Variants in MYO16 observed in about 807,000 individuals in gnomAD.
The protein encoded by MYO16 is myosin XVI, also known as unconventional myosin-XVI.
Under a neutral mutation model 205.3 loss-of-function variants are expected in MYO16, and 94 were observed. The ratio of observed to expected loss-of-function variants is 0.46; its 90% confidence interval spans 0.39 to 0.54. The LOEUF (loss-of-function observed/expected upper bound fraction) is 0.54, where lower values mean the gene tolerates loss of function less well. Among genes scored for constraint, MYO16 ranks in the 20% least tolerant of loss-of-function variants. The pLI is 0.00. For missense variants in MYO16, 2,315 were observed against 2,387.5 expected (o/e 0.97, Z 0.63); for synonymous variants, 988 against 954.0 (o/e 1.04, Z -0.66).
rs185304220 is a variant in MYO16, at chr13:109,023,038, A to C, written c.2796+3127A>C. 2.9e-3 allele frequency among the ~76,000 whole-genome samples: 393 copies of C among 134,556 alleles called. 3 individuals carry two copies. Among genetic ancestry groups the C allele is most frequent in the African/African-American group, 0.01 (381 of 37,062 alleles). 88.3% of individuals were successfully genotyped at this position (134,556 alleles called of 152,430 possible). On this transcript the variant is annotated intron_variant, in intron 23 of 34. Coordinates refer to ENST00000457511, the MANE Select transcript of MYO16 (RefSeq NM_001198950.3). ...AAATGTATGTATATATTTATATATTAATACACACATGTAAGTATATGTTTA... is the reference window on the plus strand; with the variant it reads ...AAATGTATGTATATATTTATATATTCATACACACATGTAAGTATATGTTTA...
intron 16 of MYO16, among the ~76,000 whole-genome samples, chr13:108,926,038 A>C (rs1232719861): frequency 6.6e-6 from 1 of 152,190 alleles, no homozygotes; most frequent in Non-Finnish European, 1.5e-5. Flanking sequence ...TTCTGACCGC[A>C]CAAAGACTCA....
At chr13:108,589,850 C>T in the MYO16 span, among the ~76,000 whole-genome samples, 1 of 152,072 alleles carries the variant, frequency 6.6e-6, no homozygotes, top group Non-Finnish European at 1.5e-5. Context: ...CTAGTTCCTT[C>T]GGAGCAAAAT....
intron 27 of MYO16, among the ~76,000 whole-genome samples, chr13:109,087,968 C>A (rs1044219529): frequency 6.6e-6 from 1 of 152,194 alleles, no homozygotes; most frequent in Non-Finnish European, 1.5e-5. Context: ...CTGATAAATA[C>A]AAGCCATGGC....
intron 24 of MYO16, 124 bp downstream of exon 24, chr13:109,047,115 A>T: frequency 1.4e-6 from 1 of 704,162 alleles, no homozygotes; most frequent in South Asian, 1.8e-5. Context: ...TGCCTTTTGC[A>T]TTCTAATGCC....
intron 20 of MYO16, among the ~76,000 whole-genome samples, chr13:108,973,899 T>G (rs548417501): frequency 2.6e-5 from 4 of 152,136 alleles, no homozygotes; most frequent in Admixed American, 2.6e-4. Context: ...ATATTCCATA[T>G]AGAGAAAACA....
intron 1 of MYO16, among the ~76,000 whole-genome samples, chr13:108,655,297 C>A (rs989871942): frequency 6.6e-6 from 1 of 152,186 alleles, no homozygotes; most frequent in Non-Finnish European, 1.5e-5. Context: ...TAAAAGGGGC[C>A]AAGGTCCAGC....
At position 109,008,966 on chromosome 13, in the gene MYO16, G is replaced by A. The variant is rs528936022; in HGVS notation, c.2512G>A (p.Val838Met). ...INEVLFLHEQ[V>M]ECVQEGVTME... is the part of the protein sequence containing the mutation. ...TGAAGTGCTTTTTCTCCACGAGCAA[G>A]TGGAATGTGTACAAGAGGGAGTTAC... The change falls in exon 22 of 35, where the codon GTG (valine) becomes ATG (methionine). Residue 838 changes from valine (V) to methionine (M), a missense_variant. By Grantham distance (21) the Val-to-Met change is conservative. Transcript: ENST00000457511. 44 of 1,613,262 alleles carry A rather than the reference G, an allele frequency of 2.7e-5. 1 individual carries two copies. The South Asian group carries it at 4.8e-4, about 18-fold the overall frequency.
At chr13:108,554,842 T>A in the MYO16 span, among the ~76,000 whole-genome samples, 1 of 98,942 alleles carries the variant, frequency 1.0e-5, no homozygotes, top group African/African-American at 4.4e-5. Context: ...AGAGAGAGAC[T>A]CTGACTAAAA....
chr13:108,976,590 G>T (rs1433222850), intron 20 of MYO16, among the ~76,000 whole-genome samples: 3 of 152,116 alleles, frequency 2.0e-5, no homozygotes, highest in African/African-American at 7.2e-5. Flanking sequence ...ATGAGTAATT[G>T]AGTGTTGGTA....
intron 27 of MYO16, among the ~76,000 whole-genome samples, chr13:109,060,725 A>G (rs184517476): frequency 6.6e-6 from 1 of 152,294 alleles, no homozygotes; most frequent in Admixed American, 6.5e-5. Flanking sequence ...GGGTAGACTT[A>G]GCATAATTCT....
intron 32 of MYO16, among the ~76,000 whole-genome samples, chr13:109,161,566 C>G (rs556689796): frequency 8.5e-5 from 13 of 152,270 alleles, no homozygotes; most frequent in African/African-American, 2.6e-4. Flanking sequence ...TAATATACAC[C>G]TGGGTGATGG....
At chr13:108,866,813 G>A (rs1014815487) in intron 12 of MYO16, among the ~76,000 whole-genome samples, 1 of 152,064 alleles carries the variant, frequency 6.6e-6, no homozygotes. Flanking sequence ...TAACAACAAG[G>A]CTGGTTCCGC....
chr13:109,002,921 A>G (rs562127053), intron 21 of MYO16, among the ~76,000 whole-genome samples: 2 of 152,306 alleles, frequency 1.3e-5, no homozygotes, highest in South Asian at 4.1e-4. Context: ...TCAATGAGGT[A>G]TCCGATATTG....
chr13:109,159,842 G>A (rs986728641), intron 32 of MYO16, among the ~76,000 whole-genome samples: 1 of 152,248 alleles, frequency 6.6e-6, no homozygotes, highest in Non-Finnish European at 1.5e-5. Flanking sequence ...AAGGCCTAAG[G>A]CGTGTAAGGG....
intron 33 of MYO16, among the ~76,000 whole-genome samples, chr13:109,174,740 T>C (rs1244244272): frequency 6.9e-6 from 1 of 144,318 alleles, no homozygotes; most frequent in Admixed American, 7.2e-5. Flanking sequence ...TTCTCATTCT[T>C]GTCTTGTCTT....
chr13:109,112,811 T>A (rs1318920056), intron 28 of MYO16, among the ~76,000 whole-genome samples: 2 of 152,242 alleles, frequency 1.3e-5, no homozygotes, highest in Non-Finnish European at 2.9e-5. Flanking sequence ...TAGCAAGTGC[T>A]TATTCAAAGC....
chr13:108,905,999 T>G (rs899420786), intron 15 of MYO16, among the ~76,000 whole-genome samples: 12 of 152,192 alleles, frequency 7.9e-5, no homozygotes, highest in African/African-American at 2.9e-4. Flanking sequence ...GCTCATTTAC[T>G]TTGTGCCCGC....
intron 4 of MYO16, among the ~76,000 whole-genome samples, chr13:108,762,935 A>G (rs556146567): frequency 1.4e-5 from 2 of 144,328 alleles, no homozygotes; most frequent in South Asian, 4.6e-4. Flanking sequence ...AAAAGTCCCA[A>G]CTTCTGGATT....
At chr13:109,093,202 A>T (rs1162199615) in intron 27 of MYO16, among the ~76,000 whole-genome samples, 2 of 152,338 alleles carry the variant, frequency 1.3e-5, no homozygotes, top group African/African-American at 4.8e-5. Flanking sequence ...TAGGATGCAG[A>T]CTGACAAGAA....
Sources: gnomAD v4.1 joint callset for allele counts (sites outside exome capture counted in the v4.1 genomes callset) on GRCh38, gnomAD v4.1.1 for gene constraint, MANE v1.5 for transcripts, NCBI Gene and HGNC (gene_info 2026-07-23, HGNC 2026-07-21) for gene names.